The following RTN1 variants were observed in gnomAD, a reference collection of about 807,000 sequenced individuals.
RTN1 encodes reticulon-1.
Under a neutral mutation model 65.5 loss-of-function variants are expected in RTN1, and 25 were observed. That is an observed-to-expected ratio of 0.38 (90% CI 0.28 to 0.53). RTN1 has a LOEUF of 0.53. RTN1 is among the 20% of genes least tolerant of loss of function. The pLI is 0.79. For synonymous variants in RTN1, 471 were observed against 447.6 expected, an observed-to-expected ratio of 1.05 and a Z score of -0.66; for missense variants, 983 against 1,025.4, an observed-to-expected ratio of 0.96 and a Z score of 0.57.
intron 1 of RTN1, among the ~76,000 whole-genome samples, chr14:59,753,027 A>G (rs1349125443): frequency 6.6e-6 from 1 of 152,188 alleles, no homozygotes; most frequent in African/African-American, 2.4e-5. Context: ...CCAACTTTCC[A>G]TGATTTTTAT....
chr14:59,750,057 T>TA (rs1555358815), intron 1 of RTN1, among the ~76,000 whole-genome samples: 15 of 51,836 alleles, frequency 2.9e-4, no homozygotes, highest in African/African-American at 1.4e-3. Context: ...TTATATTATA[T>TA]ACATATATTA....
intron 3 of RTN1, among the ~76,000 whole-genome samples, chr14:59,611,862 G>A (rs528662392): frequency 6.6e-6 from 1 of 152,282 alleles, no homozygotes; most frequent in East Asian, 1.9e-4. Flanking sequence ...ATATGTGGAA[G>A]GGATCTCAGA....
intron 3 of RTN1, among the ~76,000 whole-genome samples, chr14:59,687,885 G>A (rs186410804): frequency 6.6e-6 from 1 of 152,212 alleles, no homozygotes; most frequent in East Asian, 1.9e-4. Flanking sequence ...GTGAAGGGGG[G>A]CCTTCTCTGT....
chr14:59,685,457 T>A (rs570278538), intron 3 of RTN1, among the ~76,000 whole-genome samples: 22 of 152,308 alleles, frequency 1.4e-4, no homozygotes, highest in Non-Finnish European at 2.9e-4. Flanking sequence ...ATCTAATAAA[T>A]GAATTTAGTA....
chr14:59,811,030 T>C (rs1289002244), intron 1 of RTN1, among the ~76,000 whole-genome samples: 2 of 152,196 alleles, frequency 1.3e-5, no homozygotes, highest in African/African-American at 4.8e-5. Flanking sequence ...TATGTGTAAG[T>C]CTTATTGAAA....
intron 3 of RTN1, among the ~76,000 whole-genome samples, chr14:59,621,614 C>T (rs1285792430): frequency 6.6e-6 from 1 of 152,146 alleles, no homozygotes; most frequent in East Asian, 1.9e-4. Flanking sequence ...CAGTGCTCCC[C>T]TTATTTCTAG....
chr14:59,710,501 G>A (rs1884395797), intron 3 of RTN1, among the ~76,000 whole-genome samples: 2 of 152,242 alleles, frequency 1.3e-5, no homozygotes. Flanking sequence ...CAGAATTGGA[G>A]GCTTGAGCTA....
chr14:59,794,463 T>G lies in RTN1; in HGVS notation c.242-47982A>C, dbSNP rs1886405187. ...TTTCATCAGCCAACAGATGTCTTTTTTGTTTTGACCATTCTGAATTGAGTT... is the reference window on the plus strand; with the variant it reads ...TTTCATCAGCCAACAGATGTCTTTTGTGTTTTGACCATTCTGAATTGAGTT... On this transcript the variant is annotated intron_variant, in intron 1 of 8. Coordinates refer to ENST00000267484, the MANE Select transcript of RTN1 (RefSeq NM_021136.3). The surrounding 1 kb of genome is among the most constrained non-coding windows in gnomAD (Gnocchi z 5.1). Among the ~76,000 whole-genome samples the G allele has an allele frequency of 6.6e-6, 1 of 152,212 alleles. No homozygotes were observed. Among genetic ancestry groups the G allele is most frequent in the Middle Eastern group, 3.2e-3 (1 of 316 alleles).
intron 5 of RTN1, 81 bp downstream of exon 5, chr14:59,605,287 T>A: frequency 1.4e-6 from 2 of 1,442,036 alleles, no homozygotes; most frequent in Non-Finnish European, 9.4e-7. Flanking sequence ...TTTATTCTTC[T>A]TGATGTAGCA....
At chr14:59,610,930 T>C (rs933103427) in intron 3 of RTN1, among the ~76,000 whole-genome samples, 1 of 152,078 alleles carries the variant, frequency 6.6e-6, no homozygotes, top group Non-Finnish European at 1.5e-5. Flanking sequence ...CACCCAGGAA[T>C]TGACTGAGCA....
chr14:59,603,816 G>T (rs750252386), intron 6 of RTN1, 36 bp downstream of exon 6: 9 of 1,555,012 alleles, frequency 5.8e-6, no homozygotes, highest in African/African-American at 1.4e-5. Flanking sequence ...CACAGAGGGG[G>T]TGAAGGAAGA....
chr14:59,630,492 G>A, intron 3 of RTN1: 2 of 1,613,854 alleles, frequency 1.2e-6, no homozygotes, highest in Admixed American at 1.7e-5. Flanking sequence ...TGGTGGAATC[G>A]GCAGTGGCCT....
At chr14:59,641,140 G>A (rs936689600) in intron 3 of RTN1, among the ~76,000 whole-genome samples, 1 of 151,920 alleles carries the variant, frequency 6.6e-6, no homozygotes, top group African/African-American at 2.4e-5. Context: ...TTTGGGGGGG[G>A]TATTTTTTGT....
intron 2 of RTN1, among the ~76,000 whole-genome samples, chr14:59,744,018 G>A (rs1257124930): frequency 6.6e-5 from 10 of 152,172 alleles, no homozygotes; most frequent in South Asian, 6.2e-4. Context: ...GGGACCTGGC[G>A]CAGTGAATCT....
At chr14:59,711,749 C>T (rs2082058985) in intron 3 of RTN1, among the ~76,000 whole-genome samples, 1 of 152,164 alleles carries the variant, frequency 6.6e-6, no homozygotes, top group African/African-American at 2.4e-5. Context: ...TAAAGGAAGG[C>T]ATACATCAAG....
intron 1 of RTN1, among the ~76,000 whole-genome samples, chr14:59,751,191 C>CTT (rs34021179): frequency 0.024 from 2,161 of 90,798 alleles, 67 homozygotes; most frequent in East Asian, 0.04. Context: ...CTCATTATAC[C>CTT]TTTTTTTTTT....
At chr14:59,834,391 C>G (rs1887178967) in intron 1 of RTN1, among the ~76,000 whole-genome samples, 1 of 152,064 alleles carries the variant, frequency 6.6e-6, no homozygotes, top group African/African-American at 2.4e-5. Flanking sequence ...AACTTGTCCT[C>G]TTTAAAAGAG....
At chr14:59,758,065 T>G (rs1885674874) in intron 1 of RTN1, among the ~76,000 whole-genome samples, 1 of 152,124 alleles carries the variant, frequency 6.6e-6, no homozygotes. Context: ...CTAACCCCAG[T>G]AACCACCGAT....
intron 1 of RTN1, among the ~76,000 whole-genome samples, chr14:59,859,513 T>C (rs1031957496): frequency 2.0e-5 from 3 of 152,184 alleles, no homozygotes; most frequent in Non-Finnish European, 4.4e-5. Context: ...CTGACTAATA[T>C]AGTAAATTGA....
Sources: allele counts gnomAD v4.1 joint callset (sites outside exome capture counted in the v4.1 genomes callset), GRCh38; gene constraint gnomAD v4.1.1; non-coding constraint Gnocchi (gnomAD v3.1); transcripts MANE v1.5; gene names NCBI Gene and HGNC (gene_info 2026-07-23, HGNC 2026-07-21).